Variants in DIP2C observed in about 807,000 individuals in gnomAD.
The protein encoded by DIP2C is disco-interacting protein 2 homolog C.
A neutral mutation model predicts 192.4 loss-of-function variants in DIP2C; 33 were observed. The observed-to-expected ratio is 0.17, with a 90% confidence interval of 0.13 to 0.23. The LOEUF (loss-of-function observed/expected upper bound fraction) is 0.23, where lower values mean the gene tolerates loss of function less well. DIP2C is among the 10% of genes least tolerant of loss of function. The pLI, the probability that DIP2C is intolerant of heterozygous loss-of-function variation, is 1.00. For missense variants in DIP2C, 1,537 were observed against 2,110.1 expected (o/e 0.73, Z 5.32); for synonymous variants, 979 against 864.1 (o/e 1.13, Z -2.33).
At chr10:560,968 C>CATTA (rs1252808733) in intron 1 of DIP2C, among the ~76,000 whole-genome samples, 1 of 152,030 alleles carries the variant, frequency 6.6e-6, no homozygotes, top group Non-Finnish European at 1.5e-5. Context: ...ACCCCTTAAT[C>CATTA]GTACAACTCT....
At position 451,575 on chromosome 10, in the gene DIP2C, T is replaced by A. The variant is rs532452433; in HGVS notation, c.269-10579A>T. ...AATTTAATCAATGTAATTAAAGTGC[T>A]TGTGTTAGAAGCAATTTTACTTAAA... On this transcript the variant is annotated intron_variant, in intron 3 of 36. Transcript: ENST00000280886. Among the ~76,000 whole-genome samples the A allele has an allele frequency of 2.0e-5, 3 of 152,372 alleles. No individual in the cohort carries two copies. The East Asian group carries it at 5.8e-4, about 29-fold the overall frequency.
intron 2 of DIP2C, among the ~76,000 whole-genome samples, chr10:486,166 C>G (rs1253127885): frequency 1.3e-5 from 2 of 152,188 alleles, no homozygotes; most frequent in Non-Finnish European, 2.9e-5. Flanking sequence ...ATGTTGAAAT[C>G]ACTAATGCAC....
At position 279,868 on chromosome 10, in the gene DIP2C, C is replaced by T. The variant is rs1373925242; in HGVS notation, c.4418+1332G>A. 3.9e-5 allele frequency among the ~76,000 whole-genome samples: 6 copies of T among 152,206 alleles called. No individual in the cohort carries two copies. The East Asian group carries it at 1.2e-3, about 29-fold the overall frequency. On this transcript the variant is annotated intron_variant, in intron 36 of 36. Transcript: ENST00000280886. ...ACGGTCTAGAAGCCCACAGAGGGCA[C>T]CAGCGAGGCCCTCGATGCACACCTT...
At chr10:509,081 C>T (rs1464298478) in intron 1 of DIP2C, among the ~76,000 whole-genome samples, 2 of 152,158 alleles carry the variant, frequency 1.3e-5, no homozygotes, top group Admixed American at 1.3e-4. Context: ...TGTGGACAGA[C>T]GAGCAGGCCC....
At chr10:566,815 G>A (rs914856253) in intron 1 of DIP2C, among the ~76,000 whole-genome samples, 5 of 152,220 alleles carry the variant, frequency 3.3e-5, no homozygotes, top group Admixed American at 2.6e-4. Flanking sequence ...GCGGAGCAGC[G>A]TCTATGGCTG....
At chr10:464,620 C>T (rs565079178) in intron 3 of DIP2C, among the ~76,000 whole-genome samples, 2 of 152,168 alleles carry the variant, frequency 1.3e-5, no homozygotes, top group Non-Finnish European at 2.9e-5. Context: ...CAAGCAATCC[C>T]ATTACTGGGT....
intron 1 of DIP2C, among the ~76,000 whole-genome samples, chr10:582,856 A>G (rs1850754164): frequency 6.6e-6 from 1 of 152,228 alleles, no homozygotes; most frequent in Non-Finnish European, 1.5e-5. Context: ...TGAGAAAATT[A>G]TATACCTAAG....
intron 1 of DIP2C, among the ~76,000 whole-genome samples, chr10:618,619 C>T (rs1235274215): frequency 6.6e-6 from 1 of 152,222 alleles, no homozygotes; most frequent in Non-Finnish European, 1.5e-5. Context: ...GATTTTTAGA[C>T]TCTCATGACA....
chr10:499,807 A>G (rs968184093), intron 1 of DIP2C, among the ~76,000 whole-genome samples: 1 of 152,214 alleles, frequency 6.6e-6, no homozygotes, highest in Non-Finnish European at 1.5e-5. Flanking sequence ...GGGCTTTACT[A>G]ACACCATTTT....
At chr10:417,761 T>G (rs1422453855) in intron 6 of DIP2C, among the ~76,000 whole-genome samples, 2 of 126,934 alleles carry the variant, frequency 1.6e-5, no homozygotes, top group African/African-American at 6.6e-5. Flanking sequence ...TAGGCATCCC[T>G]GTCCACCTGC....
chr10:514,522 T>TC (rs1846228506), intron 1 of DIP2C, among the ~76,000 whole-genome samples: 1 of 152,304 alleles, frequency 6.6e-6, no homozygotes, highest in South Asian at 2.1e-4. Context: ...GTCCAGGCTG[T>TC]CTGTGGGCCT....
intron 1 of DIP2C, among the ~76,000 whole-genome samples, chr10:641,342 C>T (rs1333674331): frequency 6.6e-6 from 1 of 152,276 alleles, no homozygotes; most frequent in East Asian, 1.9e-4. Context: ...CCAACCTATT[C>T]CTGCACTCAG....
At chr10:615,291 G>A (rs1409893234) in intron 1 of DIP2C, among the ~76,000 whole-genome samples, 3 of 152,164 alleles carry the variant, frequency 2.0e-5, no homozygotes, top group South Asian at 4.1e-4. Context: ...GAAGACAGAA[G>A]GTGGCTGATG....
chr10:665,451 G>C, intron 1 of DIP2C: 1 of 152,074 alleles, frequency 6.6e-6, no homozygotes, highest in East Asian at 1.9e-4. Context: ...CGATCATCTA[G>C]CATGGAAAAT....
In DIP2C at chr10:417,725, T is replaced by TCCAC. The variant is rs1337738565; in HGVS notation, c.739+1339_739+1340insGTGG. 2.2e-5 allele frequency among the ~76,000 whole-genome samples: 3 copies of TCCAC among 138,402 alleles called. 1 individual carries two copies. The highest frequency in any genetic ancestry group is 3.1e-5 in the Non-Finnish European group (2 of 64,096). The allele number at this position is 138,402 out of a possible 152,430, so 90.8% of individuals were successfully genotyped here. On this transcript the variant is annotated intron_variant, in intron 6 of 36. Coordinates refer to ENST00000280886, the MANE Select transcript of DIP2C (RefSeq NM_014974.3). ...CTGTCGGCTCAAATAGGCCTCCCTG[T>TCCAC]CTGCCTGCGCCTGTCAGGGCTCGGA...
intron 1 of DIP2C, among the ~76,000 whole-genome samples, chr10:513,462 T>C (rs1299785604): frequency 6.6e-6 from 1 of 152,024 alleles, no homozygotes; most frequent in Non-Finnish European, 1.5e-5. Context: ...CACAGCACAC[T>C]GCGGCCCGCG....
At chr10:572,921 G>C (rs1402280939) in intron 1 of DIP2C, among the ~76,000 whole-genome samples, 1 of 152,162 alleles carries the variant, frequency 6.6e-6, no homozygotes, top group Non-Finnish European at 1.5e-5. Flanking sequence ...ATCTCGCAGA[G>C]AGAGACTTTC....
chr10:281,986 A>C (rs988758445), intron 35 of DIP2C: 4 of 152,366 alleles, frequency 2.6e-5, no homozygotes, highest in African/African-American at 9.6e-5. Flanking sequence ...TATTAGGGAA[A>C]ATTTGAAAGG....
intron 1 of DIP2C, among the ~76,000 whole-genome samples, chr10:579,368 C>T (rs969334094): frequency 5.9e-5 from 9 of 151,786 alleles, no homozygotes; most frequent in South Asian, 2.1e-4. Flanking sequence ...AGTGTACAAA[C>T]AAGTTCACTA....
Sources: gnomAD v4.1 joint callset for allele counts (sites outside exome capture counted in the v4.1 genomes callset) on GRCh38, gnomAD v4.1.1 for gene constraint, MANE v1.5 for transcripts, NCBI Gene and HGNC (gene_info 2026-07-23, HGNC 2026-07-21) for gene names.